Variants in CCDC148 observed in about 807,000 individuals in gnomAD.
CCDC148 encodes coiled-coil domain-containing protein 148.
In CCDC148, 89 loss-of-function variants were observed where a neutral mutation model predicts 85.7. The ratio of observed to expected loss-of-function variants is 1.04; its 90% confidence interval spans 0.87 to 1.24. CCDC148 has a LOEUF of 1.24. CCDC148 is among the 50% of genes most tolerant of loss of function. CCDC148 has a pLI of 0.00. For missense variants in CCDC148, 692 were observed against 671.7 expected (o/e 1.03, Z -0.33); for synonymous variants, 230 against 213.9 (o/e 1.08, Z -0.66).
chr2:158,413,524 A>G (rs772879061), intron 1 of CCDC148, among the ~76,000 whole-genome samples: 1 of 152,176 alleles, frequency 6.6e-6, no homozygotes, highest in Non-Finnish European at 1.5e-5. Flanking sequence ...TAGGTTAGCT[A>G]CTAAGGATAA....
chr2:158,435,001 T>C (rs1687569106), intron 1 of CCDC148, among the ~76,000 whole-genome samples: 1 of 152,168 alleles, frequency 6.6e-6, no homozygotes, highest in African/African-American at 2.4e-5. Context: ...CTATGTCTGA[T>C]TGGTGTACCT....
intron 9 of CCDC148, among the ~76,000 whole-genome samples, chr2:158,302,856 C>T (rs532588254): frequency 2.6e-5 from 4 of 151,606 alleles, no homozygotes; most frequent in East Asian, 1.9e-4. Flanking sequence ...AAGGATGCTG[C>T]GGAATTGAGT....
In CCDC148 at chr2:158,283,407, T is replaced by C. The variant is rs555457990; in HGVS notation, c.1110+26026A>G. 3.3e-5 allele frequency among the ~76,000 whole-genome samples: 5 copies of C among 152,218 alleles called. No homozygotes were observed. The East Asian group carries it at 9.6e-4, about 29-fold the overall frequency. ...TGACAAAGAGCTAATATCCAGAATC[T>C]ACAAAGAACTCAAACAAATTTACAA... On this transcript the variant is annotated intron_variant, in intron 9 of 13. Coordinates refer to ENST00000283233, the MANE Select transcript of CCDC148 (RefSeq NM_138803.4).
At chr2:158,442,568 GGCTTTT>G (rs1401120052) in intron 1 of CCDC148, among the ~76,000 whole-genome samples, 2 of 152,274 alleles carry the variant, frequency 1.3e-5, no homozygotes, top group South Asian at 2.1e-4. Context: ...CTTCTCATCA[GGCTTTT>G]GCCCAACATT....
In CCDC148 at chr2:158,392,563, A is replaced by T. The variant is rs192087321; in HGVS notation, c.26-33993T>A. Among the ~76,000 whole-genome samples, 22 of 152,116 alleles carry T rather than the reference A, an allele frequency of 1.4e-4. 1 individual carries two copies. In the East Asian group the frequency reaches 3.3e-3, roughly 23 times the overall value. On this transcript the variant is annotated intron_variant, in intron 1 of 13. Coordinates refer to ENST00000283233, the MANE Select transcript of CCDC148 (RefSeq NM_138803.4). Reference sequence around the variant, plus strand: ...ATAATGCAAACATTCCAAAATCCCAAATCCAGAACACTTCTGGTCCCAAGC... The same window carrying T: ...ATAATGCAAACATTCCAAAATCCCATATCCAGAACACTTCTGGTCCCAAGC...
At chr2:158,446,632 G>A (rs1351343618) in intron 1 of CCDC148, among the ~76,000 whole-genome samples, 1 of 151,868 alleles carries the variant, frequency 6.6e-6, no homozygotes, top group African/African-American at 2.4e-5. Context: ...CTTTATTGGG[G>A]TCTAATTTAC....
intron 10 of CCDC148, among the ~76,000 whole-genome samples, chr2:158,239,888 GTT>G (rs145200532): frequency 2.4e-4 from 36 of 150,194 alleles, no homozygotes; most frequent in Non-Finnish European, 3.1e-4. Flanking sequence ...TACCAATTAG[GTT>G]TTTTTTTTCT....
chr2:158,311,377 A>G (rs1056683482), intron 8 of CCDC148, among the ~76,000 whole-genome samples: 5 of 152,352 alleles, frequency 3.3e-5, no homozygotes, highest in Admixed American at 3.3e-4. Context: ...AGGCTGAGGC[A>G]GGAGAATCAG....
intron 9 of CCDC148, among the ~76,000 whole-genome samples, chr2:158,269,139 C>T (rs1031231514): frequency 6.6e-6 from 1 of 152,106 alleles, no homozygotes; most frequent in African/African-American, 2.4e-5. Context: ...AACACCTATA[C>T]CATTTTTTTC....
chr2:158,258,354 T>C (rs1352645146), intron 9 of CCDC148, among the ~76,000 whole-genome samples: 2 of 151,816 alleles, frequency 1.3e-5, no homozygotes. Flanking sequence ...TATGTCACCA[T>C]CATTGAGCTA....
chr2:158,220,768 G>A, intron 10 of CCDC148, 55 bp from the exon 11 acceptor site: 1 of 1,355,870 alleles, frequency 7.4e-7, no homozygotes, highest in East Asian at 2.4e-5. Context: ...GTAAAAATGA[G>A]GGAAAAGCCA....
In CCDC148 at chr2:158,262,452, A is replaced by C. The variant is rs72995456; in HGVS notation, c.1111-11540T>G. Among the ~76,000 whole-genome samples the C allele has an allele frequency of 8.4e-3, 1,279 of 151,810 alleles. 16 individuals carry two copies. Among genetic ancestry groups the C allele is most frequent in the African/African-American group, 0.029 (1,211 of 41,418 alleles). On this transcript the variant is annotated intron_variant, in intron 9 of 13. Coordinates refer to ENST00000283233, the MANE Select transcript of CCDC148 (RefSeq NM_138803.4). ...TGATGAAATATATCTGCACAATAAAACCCCATGACATGAGTTTACCTATGT... is the reference window on the plus strand; with the variant it reads ...TGATGAAATATATCTGCACAATAAACCCCCATGACATGAGTTTACCTATGT...
chr2:158,423,423 AC>A (rs1158253547), intron 1 of CCDC148, among the ~76,000 whole-genome samples: 1 of 152,100 alleles, frequency 6.6e-6, no homozygotes, highest in Non-Finnish European at 1.5e-5. Context: ...CACATCTACA[AC>A]CACCTGATCT....
intron 9 of CCDC148, among the ~76,000 whole-genome samples, chr2:158,298,325 G>GT (rs1691289945): frequency 6.9e-6 from 1 of 145,028 alleles, no homozygotes; most frequent in Admixed American, 6.8e-5. Context: ...GCCTAGGTGT[G>GT]GTTTTTTTTT....
rs191268723 is a variant in CCDC148 at position 158,277,096 on chromosome 2, G to A, written c.1111-26184C>T. On this transcript the variant is annotated intron_variant, in intron 9 of 13. Coordinates refer to ENST00000283233, the MANE Select transcript of CCDC148 (RefSeq NM_138803.4). The stretch of plus-strand genomic sequence containing the variant: ...GAAATTCAGGTACCTTAAGTCCAAT[G>A]GTGGTTTGCAAATTAATATTGCAAA... 7.5e-4 allele frequency among the ~76,000 whole-genome samples: 114 copies of A among 152,260 alleles called. 1 individual carries two copies. The Middle Eastern group carries it at 0.02, about 27-fold the overall frequency.
chr2:158,288,948 A>C (rs1690762537), intron 9 of CCDC148: 1 of 253,244 alleles, frequency 3.9e-6, no homozygotes. Flanking sequence ...CAAGAGAAAA[A>C]TGAGGTGGAA....
chr2:158,271,487 T>C (rs1338889065), intron 9 of CCDC148, among the ~76,000 whole-genome samples: 3 of 152,222 alleles, frequency 2.0e-5, no homozygotes, highest in Non-Finnish European at 2.9e-5. Context: ...ACATCCATGC[T>C]GTATGCACTA....
chr2:158,262,545 G>A (rs977705902), intron 9 of CCDC148, among the ~76,000 whole-genome samples: 4 of 151,924 alleles, frequency 2.6e-5, no homozygotes, highest in Non-Finnish European at 4.4e-5. Context: ...ACCTGAGACT[G>A]GGTAATTTAT....
At chr2:158,281,030 G>A (rs559876479) in intron 9 of CCDC148, among the ~76,000 whole-genome samples, 1 of 152,264 alleles carries the variant, frequency 6.6e-6, no homozygotes, top group Admixed American at 6.5e-5. Flanking sequence ...ATTGATTACT[G>A]GGTACATAAC....
Sources: allele counts gnomAD v4.1 joint callset (sites outside exome capture counted in the v4.1 genomes callset), GRCh38; gene constraint gnomAD v4.1.1; transcripts MANE v1.5; gene names NCBI Gene and HGNC (gene_info 2026-07-23, HGNC 2026-07-21).